The following ILRUN variants were observed in gnomAD, a reference collection of about 807,000 sequenced individuals.
ILRUN encodes protein ILRUN.
Under a neutral mutation model 33.8 loss-of-function variants are expected in ILRUN, and 3 were observed. The ratio of observed to expected loss-of-function variants is 0.09; its 90% CI spans 0.04 to 0.23. The LOEUF (loss-of-function observed/expected upper bound fraction) is 0.23. Ranked by LOEUF, ILRUN falls within the 10% of genes least tolerant of loss-of-function variation. The pLI is 1.00. For missense variants in ILRUN, 210 were observed against 375.1 expected, an observed-to-expected ratio of 0.56 and a Z score of 3.64; for synonymous variants, 124 against 138.9, an observed-to-expected ratio of 0.89 and a Z score of 0.75.
chr6:34,693,827 A>T (rs1229511670), intron 1 of ILRUN, among the ~76,000 whole-genome samples: 2 of 147,552 alleles, frequency 1.4e-5, no homozygotes, highest in African/African-American at 2.5e-5. Flanking sequence ...TATATTTTTA[A>T]TTTTTTTTTT....
At chr6:34,616,831 A>C in intron 3 of ILRUN, 1 of 704,052 alleles carries the variant, frequency 1.4e-6, no homozygotes, top group Non-Finnish European at 2.6e-6. Flanking sequence ...CAAAGGTCTG[A>C]AAGGTGTTGC....
At chr6:34,606,528 C>T (rs117366766) in intron 4 of ILRUN, 27 bp downstream of exon 4, 1 of 1,584,768 alleles carries the variant, frequency 6.3e-7, no homozygotes, top group Non-Finnish European at 8.6e-7. Context: ...CCACCACCTA[C>T]CCCTTCTCTT....
chr6:34,691,971 A>C (rs1352760052), intron 1 of ILRUN, among the ~76,000 whole-genome samples: 1 of 151,994 alleles, frequency 6.6e-6, no homozygotes, highest in African/African-American at 2.4e-5. Context: ...TTTTACTTTT[A>C]TTTTATTTTT....
At chr6:34,608,802 T>C (rs1562000296) in intron 3 of ILRUN, among the ~76,000 whole-genome samples, 1 of 152,230 alleles carries the variant, frequency 6.6e-6, no homozygotes, top group Non-Finnish European at 1.5e-5. Flanking sequence ...TTGGTCATAG[T>C]TCAGCTCTTG....
rs542344645 is a variant in ILRUN, at chr6:34,691,765, C to A, written c.158+4681G>T. Among the ~76,000 whole-genome samples, 11 of 151,682 alleles carry A rather than the reference C, an allele frequency of 7.3e-5. No homozygotes were observed. The South Asian group carries it at 1.7e-3, about 23-fold the overall frequency. On this transcript the variant is annotated intron_variant, in intron 1 of 4. Transcript: ENST00000374023. ...GAGCCAAGATCGCACCACTGCACTC[C>A]GGCCTGGGCGACAGAGCAAAACTCT...
At chr6:34,627,773 G>A (rs1189540287) in intron 3 of ILRUN, among the ~76,000 whole-genome samples, 4 of 148,130 alleles carry the variant, frequency 2.7e-5, no homozygotes, top group South Asian at 2.1e-4. Flanking sequence ...GCGTGATCTC[G>A]GCTCACCACA....
chr6:34,657,869 G>A (rs1304150839), intron 1 of ILRUN, among the ~76,000 whole-genome samples: 3 of 152,186 alleles, frequency 2.0e-5, no homozygotes, highest in Non-Finnish European at 4.4e-5. Flanking sequence ...TTCATGAAAT[G>A]GAGCTGGCTA....
intron 1 of ILRUN, among the ~76,000 whole-genome samples, chr6:34,682,442 T>C (rs1328417256): frequency 2.0e-5 from 3 of 151,240 alleles, no homozygotes; most frequent in Non-Finnish European, 2.9e-5. Context: ...GTATTTTTAG[T>C]AGAGACACGG....
chr6:34,590,433 C>T lies in ILRUN; in HGVS notation c.*132G>A. The T allele has an allele frequency of 7.6e-7, 1 of 1,316,914 alleles. No individual in the cohort carries two copies. The highest frequency in any genetic ancestry group is 1.0e-6 in the Non-Finnish European group (1 of 952,662). The allele number at this position is 1,316,914 out of a possible 1,614,324, so 81.6% of individuals were successfully genotyped here. A position where few individuals can be genotyped will look rare whatever the true frequency, so the allele number is the denominator to read the frequency against. ...CTAGTCTGTTCTGCTTCTTCCTCTTCTTCCGGGATGAGAGGGGGTCAGAGC... is the reference window on the plus strand; with the variant it reads ...CTAGTCTGTTCTGCTTCTTCCTCTTTTTCCGGGATGAGAGGGGGTCAGAGC... On this transcript the variant is annotated 3_prime_UTR_variant, in exon 5 of 5. Coordinates refer to ENST00000374023, the MANE Select transcript of ILRUN (RefSeq NM_024294.4).
chr6:34,671,217 G>A (rs1256537863), intron 1 of ILRUN, among the ~76,000 whole-genome samples: 1 of 151,652 alleles, frequency 6.6e-6, no homozygotes, highest in African/African-American at 2.4e-5. Flanking sequence ...GACCAGCCTG[G>A]GCAACAAAAA....
At chr6:34,633,098 C>T (rs1211392739) in intron 3 of ILRUN, among the ~76,000 whole-genome samples, 1 of 152,038 alleles carries the variant, frequency 6.6e-6, no homozygotes, top group East Asian at 1.9e-4. Context: ...AAGATAAAGA[C>T]CTTGTAAACA....
At chr6:34,683,832 G>A (rs1171317885) in intron 1 of ILRUN, among the ~76,000 whole-genome samples, 1 of 152,098 alleles carries the variant, frequency 6.6e-6, no homozygotes, top group Non-Finnish European at 1.5e-5. Flanking sequence ...GGAGGACAAG[G>A]TGGGCAGACA....
chr6:34,692,826 G>C lies in ILRUN; in HGVS notation c.158+3620C>G, dbSNP rs527680688. On this transcript the variant is annotated intron_variant, in intron 1 of 4. Transcript: ENST00000374023. ...GTGATGATTGGGTGTTTACATGCATGTATGAGACGTGCCAACCTTGAATCT... is the reference window on the plus strand; with the variant it reads ...GTGATGATTGGGTGTTTACATGCATCTATGAGACGTGCCAACCTTGAATCT... 7.1e-4 allele frequency among the ~76,000 whole-genome samples: 108 copies of C among 152,226 alleles called. 1 individual carries two copies. Among genetic ancestry groups the C allele is most frequent in the African/African-American group, 2.4e-3 (101 of 41,522 alleles).
At chr6:34,696,296 CG>C (rs1763771378) in intron 1 of ILRUN, 149 bp downstream of exon 1, 5 of 800,978 alleles carry the variant, frequency 6.2e-6, no homozygotes, top group Admixed American at 2.9e-5. Flanking sequence ...CCTATGCCCA[CG>C]GGGCTCCCCG....
chr6:34,693,721 C>T (rs1261710482), intron 1 of ILRUN, among the ~76,000 whole-genome samples: 2 of 149,524 alleles, frequency 1.3e-5, no homozygotes, highest in East Asian at 3.9e-4. Context: ...GGCTGGAGTG[C>T]AGTGGCGCAA....
intron 3 of ILRUN, among the ~76,000 whole-genome samples, chr6:34,626,932 G>A (rs1276766518): frequency 1.3e-5 from 2 of 151,906 alleles, no homozygotes; most frequent in Non-Finnish European, 2.9e-5. Flanking sequence ...TTGAACCTGG[G>A]AGGCAGAGGT....
chr6:34,654,337 T>C (rs1164603605), intron 2 of ILRUN, among the ~76,000 whole-genome samples: 2 of 152,176 alleles, frequency 1.3e-5, no homozygotes, highest in Non-Finnish European at 2.9e-5. Flanking sequence ...TACCCCATCA[T>C]ATAGAAGTCT....
At chr6:34,666,251 T>C (rs544451660) in intron 1 of ILRUN, among the ~76,000 whole-genome samples, 14 of 152,170 alleles carry the variant, frequency 9.2e-5, no homozygotes, top group East Asian at 1.9e-4. Context: ...TTCTGGTATA[T>C]AGGTACCTTT....
intron 1 of ILRUN, among the ~76,000 whole-genome samples, chr6:34,683,513 T>TAC (rs67229195): frequency 6.8e-5 from 7 of 103,028 alleles, no homozygotes; most frequent in East Asian, 2.9e-4. Flanking sequence ...TATATATATA[T>TAC]ACATATATAT....
Sources: gnomAD v4.1 joint callset for allele counts (sites outside exome capture counted in the v4.1 genomes callset) on GRCh38, gnomAD v4.1.1 for gene constraint, MANE v1.5 for transcripts, NCBI Gene and HGNC (gene_info 2026-07-23, HGNC 2026-07-21) for gene names.